Variants in RNF32 observed in about 807,000 individuals in gnomAD.
RNF32 encodes ring finger protein 32.
A neutral mutation model predicts 41.0 loss-of-function variants in RNF32; 36 were observed. That is an observed-to-expected ratio of 0.88 (90% CI 0.67 to 1.16). RNF32 has a LOEUF of 1.16. Among genes scored for constraint, RNF32 ranks in the 50% most tolerant of loss-of-function variants. The probability of loss-of-function intolerance (pLI) is 0.00; values close to 1 mark genes in which losing one functional copy is unlikely to be tolerated. For synonymous variants in RNF32, 154 were observed against 160.9 expected, an observed-to-expected ratio of 0.96 and a Z score of 0.32; for missense variants, 413 against 436.7, an observed-to-expected ratio of 0.95 and a Z score of 0.48.
In RNF32 at chr7:156,676,482, C is replaced by G. The variant is rs766097316; in HGVS notation, c.916C>G (p.Gln306Glu). The change falls in exon 9 of 9, where the codon CAG (glutamine) becomes GAG (glutamate). Residue 306 changes from glutamine (Q) to glutamate (E), a missense_variant. By Grantham distance (29) the Gln-to-Glu change is conservative. Transcript: ENST00000317955. The stretch of plus-strand genomic sequence containing the variant: ...GGCCCCTCTCTCCGCTGCTGGCGGT[C>G]AGCGCGTGGGTGCAGGCAGGCGTTC... ...CLAPLSAAGG[Q>E]RVGAGRRSRE... 7 of 1,613,932 alleles carry G rather than the reference C, an allele frequency of 4.3e-6. No homozygotes were observed. In the Admixed American group the frequency reaches 8.3e-5, roughly 19 times the overall value.
At chr7:156,644,800 A>G in intron 3 of RNF32, 43 bp downstream of exon 3, 2 of 1,564,974 alleles carry the variant, frequency 1.3e-6, no homozygotes, top group South Asian at 2.4e-5. Flanking sequence ...ATTAGGGCTA[A>G]AAAAATCTAT....
In RNF32 at chr7:156,644,743, C is replaced by T. The variant is rs138495614; in HGVS notation, c.260C>T (p.Pro87Leu). ...EKEYVLDPKPPPLTLAQKLGL... is the reference protein window; with the variant it reads ...EKEYVLDPKPLPLTLAQKLGL... ...GAATATGTTCTTGATCCCAAACCGC[C>T]GCCGTTGACTTTGGGTAAGCTGACG... Residue 87 changes from proline to leucine, a missense_variant, in exon 3 of 9, where the codon CCG (proline) becomes CTG (leucine). By Grantham distance (98) the Pro-to-Leu change is moderately conservative. Transcript: ENST00000317955. 1.4e-5 allele frequency: 22 copies of T among 1,607,076 alleles called. No homozygotes were observed. The African/African-American group carries it at 2.2e-4, about 16-fold the overall frequency.
rs1464694021 is a variant in RNF32, at chr7:156,660,266, CT to C, written c.684+1699del. 1.6e-5 allele frequency: 16 copies of C among 985,180 alleles called. No individual in the cohort carries two copies. The South Asian group carries it at 7.0e-4, about 43-fold the overall frequency. The allele number at this position is 985,180 out of a possible 1,614,324, so 61.0% of individuals were successfully genotyped here. A position where few individuals can be genotyped will look rare whatever the true frequency, so the allele number is the denominator to read the frequency against. ...CCTAGCTGAAGCTTTCTTCCAATTT[CT>C]TTGGTCTTCTCTAAACCTCTATTGT... is the stretch of plus-strand genomic sequence containing the variant. On this transcript the variant is annotated intron_variant, in intron 7 of 8. Transcript: ENST00000317955.
chr7:156,650,240 G>T (rs1013220302), intron 3 of RNF32, among the ~76,000 whole-genome samples: 2 of 152,220 alleles, frequency 1.3e-5, no homozygotes, highest in African/African-American at 4.8e-5. Context: ...ACACAAGAGG[G>T]TGCACAGCCC....
intron 7 of RNF32, chr7:156,658,996 A>C: frequency 6.7e-7 from 1 of 1,492,034 alleles, no homozygotes; most frequent in Non-Finnish European, 8.9e-7. Context: ...CTACCATTGT[A>C]TTGAGTACCT....
At chr7:156,659,542 G>A (rs770377025) in intron 7 of RNF32, 1 of 984,166 alleles carries the variant, frequency 1.0e-6, no homozygotes, top group South Asian at 4.7e-5. Flanking sequence ...GTCATAGTAG[G>A]TTGTCTCTTA....
intron 5 of RNF32, 48 bp downstream of exon 5, chr7:156,657,621 A>T (rs750517666): frequency 1.3e-6 from 2 of 1,570,286 alleles, no homozygotes; most frequent in Admixed American, 1.7e-5. Context: ...TGTCGCTCTC[A>T]CAGTGCAGAG....
At chr7:156,655,196 C>T (rs1241477790) in intron 4 of RNF32, among the ~76,000 whole-genome samples, 4 of 151,720 alleles carry the variant, frequency 2.6e-5, no homozygotes, top group African/African-American at 7.3e-5. Context: ...CATAGTAAGA[C>T]TGATGATACT....
In RNF32 at chr7:156,641,357, A is replaced by G. The variant is rs371085246; in HGVS notation, c.-78+546A>G. On this transcript the variant is annotated intron_variant, in intron 1 of 8. Transcript: ENST00000317955. Reference sequence around the variant, plus strand: ...TGGCACCCCAGTGATCGTTTTTGCCACCAAGCTCTGCCTCTTGAGCGTTTA... The same window carrying G: ...TGGCACCCCAGTGATCGTTTTTGCCGCCAAGCTCTGCCTCTTGAGCGTTTA... 1.8e-4 allele frequency among the ~76,000 whole-genome samples: 28 copies of G among 152,290 alleles called. No homozygotes were observed. In the East Asian group the frequency reaches 4.2e-3, roughly 23 times the overall value.
rs558186884 is a variant in RNF32, at chr7:156,670,626, C to T, written c.685-5070C>T. ...GAGTCATCTTGGAAGTGGCCAGGAACGAGGACAGACGATGGCAAACCCTGG... is the reference window on the plus strand; with the variant it reads ...GAGTCATCTTGGAAGTGGCCAGGAATGAGGACAGACGATGGCAAACCCTGG... On this transcript the variant is annotated intron_variant, in intron 7 of 8. Coordinates refer to ENST00000317955, the MANE Select transcript of RNF32 (RefSeq NM_030936.4). The surrounding 1 kb of genome is among the most constrained non-coding windows in gnomAD (Gnocchi z 4.3). Among the ~76,000 whole-genome samples the T allele has an allele frequency of 1.5e-4, 23 of 152,254 alleles. No homozygotes were observed. In the East Asian group the frequency reaches 4.2e-3, roughly 28 times the overall value.
At chr7:156,665,873 AAAAG>A (rs1801274336) in intron 7 of RNF32, among the ~76,000 whole-genome samples, 1 of 152,250 alleles carries the variant, frequency 6.6e-6, no homozygotes, top group Non-Finnish European at 1.5e-5. Context: ...ATCATTGTGT[AAAAG>A]AAAGACCATT....
chr7:156,640,519 C>A (rs1294958986), upstream of RNF32: 1 of 361,730 alleles, frequency 2.8e-6, no homozygotes, highest in Non-Finnish European at 5.3e-6. Flanking sequence ...GCTGCGCGAG[C>A]CTCGACGGGA....
rs1400883927 is a variant in RNF32, at chr7:156,670,322, A to G, written c.685-5374A>G. ...TCTAGTCAGGCCCTGCCTTCAGCTCACTGAGGAGTCAGGTCTGCAAGGGGG... is the reference window on the plus strand; with the variant it reads ...TCTAGTCAGGCCCTGCCTTCAGCTCGCTGAGGAGTCAGGTCTGCAAGGGGG... On this transcript the variant is annotated intron_variant, in intron 7 of 8. Transcript: ENST00000317955. This position sits in a 1 kb window ranked among gnomAD's most constrained non-coding sequence, Gnocchi z 4.3. 3.9e-5 allele frequency among the ~76,000 whole-genome samples: 6 copies of G among 152,170 alleles called. No individual in the cohort carries two copies. Among genetic ancestry groups the G allele is most frequent in the Non-Finnish European group, 7.3e-5 (5 of 68,034 alleles).
intron 3 of RNF32, among the ~76,000 whole-genome samples, chr7:156,650,626 G>A (rs1461895811): frequency 6.6e-6 from 1 of 152,198 alleles, no homozygotes; most frequent in African/African-American, 2.4e-5. Flanking sequence ...GCATGATGGG[G>A]AGATGTGGAT....
At chr7:156,650,579 A>G (rs1798583186) in intron 3 of RNF32, among the ~76,000 whole-genome samples, 1 of 152,202 alleles carries the variant, frequency 6.6e-6, no homozygotes, top group African/African-American at 2.4e-5. Flanking sequence ...CTCCCGTTCT[A>G]AGGTCTTGAT....
intron 3 of RNF32, among the ~76,000 whole-genome samples, chr7:156,649,045 C>T (rs184099871): frequency 2.2e-4 from 33 of 152,222 alleles, no homozygotes; most frequent in African/African-American, 3.4e-4. Context: ...GAGATTAAAG[C>T]GTGTTTTGTT....
At chr7:156,653,766 C>T (rs572336413) in intron 3 of RNF32, among the ~76,000 whole-genome samples, 8 of 152,118 alleles carry the variant, frequency 5.3e-5, no homozygotes, top group Admixed American at 3.3e-4. Context: ...TGGGTACCCA[C>T]GTGTTATTGA....
rs371058480 is a variant in RNF32 at position 156,676,403 on chromosome 7, G to A, written c.853-16G>A. 9.9e-6 allele frequency: 16 copies of A among 1,613,922 alleles called. No homozygotes were observed. The highest frequency in any genetic ancestry group is 4.0e-5 in the African/African-American group (3 of 74,922). ...AAACTAACCCGCGTGGCCTCTTCCC[G>A]TCCTGTGTGCCGCAGGCTCTGCGCC... On this transcript the variant is annotated splice_polypyrimidine_tract_variant and intron_variant, in intron 8 of 8. Coordinates refer to ENST00000317955, the MANE Select transcript of RNF32 (RefSeq NM_030936.4).
chr7:156,657,347 T>G, intron 4 of RNF32, 194 bp from the exon 5 acceptor site: 1 of 584,658 alleles, frequency 1.7e-6, no homozygotes, highest in East Asian at 2.8e-5. Flanking sequence ...TTTCAGATCA[T>G]GAATTTTTGT....
Sources: gnomAD v4.1 joint callset for allele counts (sites outside exome capture counted in the v4.1 genomes callset) on GRCh38, gnomAD v4.1.1 for gene constraint, Gnocchi (gnomAD v3.1) non-coding constraint, MANE v1.5 for transcripts, NCBI Gene and HGNC (gene_info 2026-07-23, HGNC 2026-07-21) for gene names.